DBNDD1: variants seen among roughly 807,000 people sequenced by gnomAD.
DBNDD1 encodes dysbindin domain-containing protein 1.
Under a neutral mutation model 17.0 loss-of-function variants are expected in DBNDD1, and 14 were observed. The observed-to-expected ratio is 0.82, with a 90% CI of 0.54 to 1.29. The LOEUF is 1.29. Ranked by LOEUF, DBNDD1 falls within the 50% of genes most tolerant of loss-of-function variation. The probability of loss-of-function intolerance (pLI) is 0.00; values close to 1 mark genes in which losing one functional copy is unlikely to be tolerated. For synonymous variants in DBNDD1, 105 were observed against 102.0 expected (o/e 1.03, Z -0.18); for missense variants, 221 against 216.2 (o/e 1.02, Z -0.14).
At chr16:90,007,710 G>C (rs557358912) in intron 3 of DBNDD1, 30 of 152,432 alleles carry the variant, frequency 2.0e-4, no homozygotes, top group African/African-American at 7.2e-4. Flanking sequence ...ATTAAATTCT[G>C]CTTTTGAGGG....
intron 3 of DBNDD1, 65 bp downstream of exon 3, chr16:90,008,719 G>A: frequency 1.3e-6 from 2 of 1,514,402 alleles, no homozygotes; most frequent in East Asian, 2.3e-5. Context: ...ACACCTCCCA[G>A]GACTTCCCAA....
At chr16:90,008,091 CA>C (rs2035468934) in intron 3 of DBNDD1, among the ~76,000 whole-genome samples, 2 of 128,454 alleles carry the variant, frequency 1.6e-5, no homozygotes, top group African/African-American at 2.9e-5. Context: ...GGCCTCAGCC[CA>C]CCACACACAC....
chr16:90,006,513 G>T, intron 3 of DBNDD1, 21 bp from the exon 4 acceptor site: 2 of 1,592,320 alleles, frequency 1.3e-6, no homozygotes, highest in South Asian at 1.1e-5. Flanking sequence ...GCGGGAAGGG[G>T]AACTCGGTGT....
At chr16:90,011,095 G>A (rs567210245) in intron 1 of DBNDD1, among the ~76,000 whole-genome samples, 26 of 152,356 alleles carry the variant, frequency 1.7e-4, no homozygotes, top group African/African-American at 5.8e-4. Context: ...GTGCCTTCCC[G>A]TTGCTGCCAG....
chr16:90,006,353 C>G lies in DBNDD1; in HGVS notation c.459G>C (p.Glu153Asp), dbSNP rs754341149. 6.2e-7 allele frequency: 1 copy of G among 1,609,184 alleles called. No homozygotes were observed. Among genetic ancestry groups the G allele is most frequent in the South Asian group, 1.1e-5 (1 of 90,450 alleles). Residue 153 changes from glutamate to aspartate, a missense_variant, in exon 4 of 4, where the codon GAG becomes GAC. Transcript: ENST00000002501. ...AGATGGTCTAGTCCTCCTGGGGCCT[C>G]TCCACAGTGAGAAACGTGTCCAGGA... Reference protein sequence around the residue: ...ATVLDTFLTVERPQED With the variant: ...ATVLDTFLTVDRPQED
At chr16:90,014,858 T>C (rs1305400173) in intron 1 of DBNDD1, among the ~76,000 whole-genome samples, 1 of 151,896 alleles carries the variant, frequency 6.6e-6, no homozygotes, top group East Asian at 1.9e-4. Context: ...ATACAAAAAT[T>C]AGCCGGTGTG....
At chr16:90,007,322 C>T (rs2035445592) in intron 3 of DBNDD1, 1 of 152,530 alleles carries the variant, frequency 6.6e-6, no homozygotes, top group African/African-American at 2.4e-5. Context: ...TTAATGAGGT[C>T]CTGAGTGGCC....
intron 1 of DBNDD1, 56 bp from the exon 2 acceptor site, chr16:90,009,486 A>C (rs2035510704): frequency 6.3e-7 from 1 of 1,596,452 alleles, no homozygotes; most frequent in Admixed American, 1.7e-5. Context: ...ACATCCCCCC[A>C]GGACGCGGGG....
At chr16:90,017,661 TTCTC>T (rs1444589724) in intron 1 of DBNDD1, among the ~76,000 whole-genome samples, 2 of 152,204 alleles carry the variant, frequency 1.3e-5, no homozygotes, top group Admixed American at 1.3e-4. Flanking sequence ...TGTCCCGCCG[TTCTC>T]TCTACTTTTG....
chr16:90,011,843 G>A, intron 1 of DBNDD1: 1 of 328,164 alleles, frequency 3.0e-6, no homozygotes, highest in Non-Finnish European at 6.2e-6. Flanking sequence ...TGAGCAGGGG[G>A]ACCTCCCGGA....
chr16:90,008,584 C>T (rs56069863), intron 3 of DBNDD1, among the ~76,000 whole-genome samples, 200 bp downstream of exon 3: 955 of 51,164 alleles, frequency 0.019, 16 homozygotes, highest in African/African-American at 0.027. Context: ...CAGCCCACCA[C>T]GCACACCTCT....
At chr16:90,010,769 C>A (rs1282646560) in intron 1 of DBNDD1, among the ~76,000 whole-genome samples, 1 of 152,204 alleles carries the variant, frequency 6.6e-6, no homozygotes, top group African/African-American at 2.4e-5. Flanking sequence ...CTCAGCTGCT[C>A]ACCCTCTCAT....
At chr16:90,006,623 C>G in intron 3 of DBNDD1, 131 bp from the exon 4 acceptor site, 2 of 1,192,638 alleles carry the variant, frequency 1.7e-6, no homozygotes, top group East Asian at 2.6e-5. Context: ...ACCAGGCATG[C>G]ACACATCTAC....
At chr16:90,012,507 T>C (rs2035571808) in intron 1 of DBNDD1, among the ~76,000 whole-genome samples, 1 of 151,552 alleles carries the variant, frequency 6.6e-6, no homozygotes, top group Non-Finnish European at 1.5e-5. Context: ...TTGCCCAGGC[T>C]GGAGTGCAAT....
At position 90,019,303 on chromosome 16, in the gene DBNDD1, G is replaced by A. The variant is rs972694616; in HGVS notation, c.31+8C>T. On this transcript the variant is annotated splice_region_variant and intron_variant, in intron 1 of 3. Coordinates refer to ENST00000002501, the MANE Select transcript of DBNDD1 (RefSeq NM_001042610.3). This position sits in a 1 kb window ranked among gnomAD's most constrained non-coding sequence, Gnocchi z 6.1. The stretch of plus-strand genomic sequence containing the variant: ...CGCGGGGGTCTCGGGGGCTGGGGCT[G>A]AACTCACCTCCGGTGCCGGCGCCCT... The A allele has an allele frequency of 8.2e-7, 1 of 1,218,130 alleles. No homozygotes were observed. The highest frequency in any genetic ancestry group is 1.0e-6 in the Non-Finnish European group (1 of 978,218). The allele number at this position is 1,218,130 out of a possible 1,614,324, so 75.5% of individuals were successfully genotyped here.
chr16:90,008,954 C>G (rs1179709358), intron 2 of DBNDD1, 30 bp from the exon 3 acceptor site: 1 of 1,522,376 alleles, frequency 6.6e-7, no homozygotes, highest in Non-Finnish European at 8.9e-7. Flanking sequence ...AGTCAGCCCT[C>G]AGGCCCTCCC....
chr16:90,009,638 G>T, intron 1 of DBNDD1: 1 of 717,162 alleles, frequency 1.4e-6, no homozygotes, highest in Non-Finnish European at 2.3e-6. Context: ...CCTTCCCCTT[G>T]GGCCCTGGCC....
At chr16:90,015,950 T>C (rs899444879) in intron 1 of DBNDD1, among the ~76,000 whole-genome samples, 1 of 152,216 alleles carries the variant, frequency 6.6e-6, no homozygotes, top group Admixed American at 6.5e-5. Context: ...TTTGTGAATA[T>C]ACTGAAACAG....
At chr16:90,010,367 CTT>C (rs34659525) in intron 1 of DBNDD1, among the ~76,000 whole-genome samples, 57 of 123,798 alleles carry the variant, frequency 4.6e-4, no homozygotes, top group African/African-American at 1.2e-3. Flanking sequence ...ACGTAACTAC[CTT>C]TTTTTTTTTT....
Sources: gnomAD v4.1 joint callset for allele counts (sites outside exome capture counted in the v4.1 genomes callset) on GRCh38, gnomAD v4.1.1 for gene constraint, Gnocchi (gnomAD v3.1) non-coding constraint, MANE v1.5 for transcripts, NCBI Gene and HGNC (gene_info 2026-07-23, HGNC 2026-07-21) for gene names.